The following TC2N variants were observed in gnomAD, a reference collection of about 807,000 sequenced individuals.
The protein encoded by TC2N is tandem C2 domains nuclear protein.
In TC2N, 51 loss-of-function variants were observed where a neutral mutation model predicts 61.9. The ratio of observed to expected loss-of-function variants is 0.82; its 90% CI spans 0.66 to 1.04. The LOEUF is 1.04. TC2N is among the 50% of genes least tolerant of loss of function. TC2N has a pLI of 0.00. For synonymous variants in TC2N, 204 were observed against 192.6 expected, an observed-to-expected ratio of 1.06 and a Z score of -0.49; for missense variants, 556 against 566.7, an observed-to-expected ratio of 0.98 and a Z score of 0.19.
intron 1 of TC2N, among the ~76,000 whole-genome samples, chr14:91,861,133 A>T (rs1000970948): frequency 3.9e-5 from 6 of 152,218 alleles, no homozygotes; most frequent in African/African-American, 1.4e-4. Context: ...GGTAGCCTGG[A>T]TCTCCGACAA....
intron 1 of TC2N, among the ~76,000 whole-genome samples, chr14:91,826,569 G>A (rs1887510517): frequency 6.6e-6 from 1 of 151,852 alleles, no homozygotes; most frequent in Non-Finnish European, 1.5e-5. Flanking sequence ...ATGTTGGCTT[G>A]TCTGATATAA....
intron 1 of TC2N, among the ~76,000 whole-genome samples, chr14:91,841,927 A>G (rs1358469327): frequency 6.7e-6 from 1 of 150,354 alleles, no homozygotes; most frequent in Admixed American, 6.6e-5. Flanking sequence ...GTTCTTGGCT[A>G]CCTAGCAATA....
rs978892902 is a variant in TC2N at position 91,783,195 on chromosome 14, C to T, written c.1378G>A (p.Asp460Asn). 2 of 1,600,790 alleles carry T rather than the reference C, an allele frequency of 1.2e-6. No individual in the cohort carries two copies. Among genetic ancestry groups the T allele is most frequent in the Non-Finnish European group, 1.7e-6 (2 of 1,169,408 alleles). Residue 460 changes from aspartate (D) to asparagine (N), a missense_variant, in exon 12 of 12, where the codon GAC becomes AAC. Coordinates refer to ENST00000435962, the MANE Select transcript of TC2N (RefSeq NM_001128596.3). ...TTCACTGCTTCAATGTTATTACTGT[C>T]TTCACTTATCCAAATCTGTAAAGGA... ...HFVGQIWISE[D>N]SNNIEAVNQW...
rs746686214 is a variant in TC2N, at chr14:91,812,486, C to G, written c.127G>C (p.Val43Leu). ...ACAGAAACAGAAGTCAATGGAGGTACAGAGATAGTAGCATTTTGACTATTT... is the reference window on the plus strand; with the variant it reads ...ACAGAAACAGAAGTCAATGGAGGTAGAGAGATAGTAGCATTTTGACTATTT... ...VPNSQNATIS[V>L]PPLTSVSVKP... Residue 43 changes from valine to leucine, a missense_variant, in exon 3 of 12, where the codon GTA becomes CTA. Val to Leu is a conservative substitution (Grantham distance 32, BLOSUM62 1). Coordinates refer to ENST00000435962, the MANE Select transcript of TC2N (RefSeq NM_001128596.3). The G allele has an allele frequency of 1.2e-6, 2 of 1,611,692 alleles. No homozygotes were observed. The highest frequency in any genetic ancestry group is 1.7e-5 in the Admixed American group (1 of 59,892).
intron 1 of TC2N, among the ~76,000 whole-genome samples, chr14:91,853,493 G>GT (rs993556579): frequency 8.5e-5 from 13 of 152,154 alleles, no homozygotes; most frequent in African/African-American, 2.9e-4. Context: ...GCAGACCCAG[G>GT]TAAGTGATTA....
chr14:91,793,664 A>C (rs1475748934), intron 8 of TC2N, among the ~76,000 whole-genome samples: 1 of 152,150 alleles, frequency 6.6e-6, no homozygotes, highest in Non-Finnish European at 1.5e-5. Flanking sequence ...AACCACACCT[A>C]TATAAGATGG....
In TC2N at chr14:91,812,531, C is replaced by A; in HGVS notation, c.82G>T (p.Asp28Tyr). Residue 28 changes from aspartate to tyrosine, a missense_variant, in exon 3 of 12, where the codon GAT (aspartate) becomes TAT (tyrosine). Transcript: ENST00000435962. ...TEKHNFSVERDFKAAVPNSQN... is the reference protein window; with the variant it reads ...TEKHNFSVERYFKAAVPNSQN... ...CTATTTGGGACTGCTGCTTTAAAAT[C>A]TCTTTCCACAGAAACTGCATATAAA... 1.3e-6 allele frequency: 2 copies of A among 1,571,626 alleles called. No homozygotes were observed. The highest frequency in any genetic ancestry group is 1.2e-5 in the South Asian group (1 of 86,116).
chr14:91,789,550 G>A (rs1340288690), intron 9 of TC2N, among the ~76,000 whole-genome samples: 1 of 151,620 alleles, frequency 6.6e-6, no homozygotes, highest in Non-Finnish European at 1.5e-5. Context: ...GGCGGAGCTT[G>A]CAGTGAGCCG....
At chr14:91,830,837 CCTTT>C in intron 1 of TC2N, among the ~76,000 whole-genome samples, 1 of 152,156 alleles carries the variant, frequency 6.6e-6, no homozygotes, top group Non-Finnish European at 1.5e-5. Flanking sequence ...GGATTTTTTT[CCTTT>C]CTTGTTTTAC....
chr14:91,796,121 A>T (rs943831482), intron 8 of TC2N, among the ~76,000 whole-genome samples: 1 of 152,032 alleles, frequency 6.6e-6, no homozygotes, highest in Non-Finnish European at 1.5e-5. Flanking sequence ...TGAAAATCAA[A>T]AAGTAAAATT....
chr14:91,851,525 C>G (rs1225253207), intron 1 of TC2N, among the ~76,000 whole-genome samples: 2 of 152,232 alleles, frequency 1.3e-5, no homozygotes, highest in African/African-American at 4.8e-5. Context: ...GCCGTAGCGT[C>G]GGAATGAAGA....
chr14:91,785,320 T>G lies in TC2N; in HGVS notation c.1204A>C (p.Ile402Leu), dbSNP rs2139819427. 6.2e-7 allele frequency: 1 copy of G among 1,613,792 alleles called. No homozygotes were observed. Among genetic ancestry groups the G allele is most frequent in the East Asian group, 2.2e-5 (1 of 44,832 alleles). The change falls in exon 11 of 12, where the codon ATT becomes CTT. Residue 402 changes from isoleucine to leucine, a missense_variant. Coordinates refer to ENST00000435962, the MANE Select transcript of TC2N (RefSeq NM_001128596.3). ...KVGMFSSGEL[I>L]YKKKTRLLKA... ...AGTAAGCGTGTCTTTTTCTTATAAA[T>G]CAACTCTCCCGAGCTAAACATTCCC...
At chr14:91,791,960 CA>C (rs920930682) in intron 9 of TC2N, among the ~76,000 whole-genome samples, 5 of 150,424 alleles carry the variant, frequency 3.3e-5, no homozygotes, top group Non-Finnish European at 7.4e-5. Context: ...ACTAAAAATA[CA>C]AAAAAAAATT....
At position 91,779,830 on chromosome 14, in the gene TC2N, T is replaced by C. The variant is rs1442393064; in HGVS notation, c.*3270A>G. On this transcript the variant is annotated 3_prime_UTR_variant, in exon 12 of 12. Transcript: ENST00000435962. Reference sequence around the variant, plus strand: ...ATTAAAAAACTTAAAACTAAAAAAGTACTAAGTTAAAAAAAACTCCACTAG... The same window carrying C: ...ATTAAAAAACTTAAAACTAAAAAAGCACTAAGTTAAAAAAAACTCCACTAG... 1 of 152,094 alleles carries C rather than the reference T, an allele frequency of 6.6e-6. No individual in the cohort carries two copies. The highest frequency in any genetic ancestry group is 1.5e-5 in the Non-Finnish European group (1 of 68,016). 9.4% of individuals were successfully genotyped at this position (152,094 alleles called of 1,614,324 possible).
At chr14:91,803,119 C>A (rs1408840107) in intron 3 of TC2N, among the ~76,000 whole-genome samples, 1 of 151,950 alleles carries the variant, frequency 6.6e-6, no homozygotes, top group Non-Finnish European at 1.5e-5. Flanking sequence ...TAAGGTGGCA[C>A]TGCACAAGAA....
chr14:91,799,131 C>T, intron 5 of TC2N, 67 bp from the exon 6 acceptor site: 1 of 963,922 alleles, frequency 1.0e-6, no homozygotes, highest in Admixed American at 2.6e-5. Context: ...ATACATATGC[C>T]TCAATATCCA....
Position 91,802,003 on chromosome 14 carries a change from A to C in TC2N, c.469+251T>G, listed in dbSNP as rs193106969. Among the ~76,000 whole-genome samples, 216 of 152,274 alleles carry C rather than the reference A, an allele frequency of 1.4e-3. 1 individual carries two copies. Among genetic ancestry groups the C allele is most frequent in the African/African-American group, 4.8e-3 (198 of 41,562 alleles). ...GTTGTATAAAAGATCTCTTGAACCAAAGCTTCTTTCAAAAAAGGGAAATTA... is the reference window on the plus strand; with the variant it reads ...GTTGTATAAAAGATCTCTTGAACCACAGCTTCTTTCAAAAAAGGGAAATTA... On this transcript the variant is annotated intron_variant, in intron 4 of 11. Transcript: ENST00000435962.
At chr14:91,858,898 G>T (rs2498811) in intron 1 of TC2N, among the ~76,000 whole-genome samples, 142,186 of 152,244 alleles carry the variant, frequency 0.93, 66,786 homozygotes, top group East Asian at 1. Context: ...CCTTCTACTC[G>T]CCAGCATAGT....
chr14:91,858,058 T>C (rs138422494), intron 1 of TC2N, among the ~76,000 whole-genome samples: 3 of 152,190 alleles, frequency 2.0e-5, no homozygotes, highest in Non-Finnish European at 2.9e-5. Flanking sequence ...CTCAACTTCC[T>C]GGGCTTAAGT....
Sources: allele counts gnomAD v4.1 joint callset (sites outside exome capture counted in the v4.1 genomes callset), GRCh38; gene constraint gnomAD v4.1.1; transcripts MANE v1.5; gene names NCBI Gene and HGNC (gene_info 2026-07-23, HGNC 2026-07-21).